Variants in TMEM132B observed in about 807,000 individuals in gnomAD.
TMEM132B encodes the protein transmembrane protein 132B.
In TMEM132B, 18 loss-of-function variants were observed where a neutral mutation model predicts 90.8. The observed-to-expected ratio is 0.20, with a 90% CI of 0.14 to 0.29. The LOEUF (loss-of-function observed/expected upper bound fraction) is 0.29. Ranked by LOEUF, TMEM132B falls within the 10% of genes least tolerant of loss-of-function variation. The pLI is 1.00. For synonymous variants in TMEM132B, 504 were observed against 523.3 expected (o/e 0.96, Z 0.50); for missense variants, 1,096 against 1,326.8 (o/e 0.83, Z 2.70).
At chr12:125,188,047 C>G (rs1957770109) in intron 1 of TMEM132B, among the ~76,000 whole-genome samples, 1 of 152,152 alleles carries the variant, frequency 6.6e-6, no homozygotes, top group African/African-American at 2.4e-5. Context: ...TAGGAGCAAA[C>G]CTGGCATGTC....
chr12:125,256,788 G>C (rs1330930224), intron 1 of TMEM132B, among the ~76,000 whole-genome samples: 3 of 152,194 alleles, frequency 2.0e-5, no homozygotes, highest in Non-Finnish European at 4.4e-5. Flanking sequence ...CAACTAAATT[G>C]TGCAGTCAGT....
At chr12:125,405,097 G>C (rs1208127035) in intron 2 of TMEM132B, among the ~76,000 whole-genome samples, 1 of 152,152 alleles carries the variant, frequency 6.6e-6, no homozygotes, top group Non-Finnish European at 1.5e-5. Flanking sequence ...CACAGCAAAT[G>C]GCCACAAACG....
At chr12:125,220,614 A>G (rs550445289) in intron 1 of TMEM132B, among the ~76,000 whole-genome samples, 12 of 152,288 alleles carry the variant, frequency 7.9e-5, no homozygotes, top group African/African-American at 2.6e-4. Context: ...GGGTTTTCTC[A>G]CAGTGGGAGG....
At chr12:125,299,603 C>T (rs966476489) in intron 1 of TMEM132B, among the ~76,000 whole-genome samples, 1 of 152,208 alleles carries the variant, frequency 6.6e-6, no homozygotes, top group Non-Finnish European at 1.5e-5. Context: ...CCTTTGGTCT[C>T]CCCATCCCAG....
intron 4 of TMEM132B, among the ~76,000 whole-genome samples, chr12:125,556,262 T>A (rs1259410629): frequency 6.6e-6 from 1 of 152,240 alleles, no homozygotes; most frequent in Non-Finnish European, 1.5e-5. Flanking sequence ...GTTCTTTCGT[T>A]ATCCTGACCT....
intron 4 of TMEM132B, among the ~76,000 whole-genome samples, chr12:125,523,903 C>A (rs137950705): frequency 1.0e-3 from 154 of 152,338 alleles, no homozygotes; most frequent in Non-Finnish European, 1.7e-3. Flanking sequence ...GACCCCAGAG[C>A]AGAGCTTCCA....
intron 2 of TMEM132B, among the ~76,000 whole-genome samples, chr12:125,389,797 G>T (rs1490456953): frequency 6.6e-6 from 1 of 152,160 alleles, no homozygotes; most frequent in African/African-American, 2.4e-5. Flanking sequence ...CATAAGTAGG[G>T]CACCTTTGTA....
intron 1 of TMEM132B, among the ~76,000 whole-genome samples, chr12:125,311,433 C>G (rs1287080218): frequency 6.6e-6 from 1 of 152,194 alleles, no homozygotes; most frequent in African/African-American, 2.4e-5. Context: ...CCAGTTTGCT[C>G]AGGTTGAAAA....
chr12:125,211,497 C>G (rs1873316483), intron 1 of TMEM132B, among the ~76,000 whole-genome samples: 1 of 152,206 alleles, frequency 6.6e-6, no homozygotes. Context: ...AGCAGACCAG[C>G]TGTCTGCTGC....
At chr12:125,295,515 T>TGTGAGAGAGAGAGAGAGA (rs531489519) in intron 1 of TMEM132B, among the ~76,000 whole-genome samples, 35 of 142,424 alleles carry the variant, frequency 2.5e-4, no homozygotes, top group African/African-American at 9.4e-4. Context: ...TGTGTGTGTG[T>TGTGAGAGAGAGAGAGAGA]GAGAGAGAGA....
chr12:125,472,687 A>T (rs1211586988), intron 3 of TMEM132B, among the ~76,000 whole-genome samples: 3 of 152,154 alleles, frequency 2.0e-5, no homozygotes, highest in Non-Finnish European at 4.4e-5. Flanking sequence ...CCAGCGCCTT[A>T]TAAAAGAGGC....
At chr12:125,478,229 C>T (rs1373893515) in intron 3 of TMEM132B, among the ~76,000 whole-genome samples, 5 of 152,180 alleles carry the variant, frequency 3.3e-5, no homozygotes, top group Non-Finnish European at 7.3e-5. Flanking sequence ...ATCATAGCTT[C>T]TTGCCAGCAA....
rs139502055 is a variant in TMEM132B, at chr12:125,324,003, C to T, written c.68-25449C>T. 9.6e-4 allele frequency among the ~76,000 whole-genome samples: 146 copies of T among 152,134 alleles called. 2 individuals are homozygous for T. The East Asian group carries it at 0.024, about 25-fold the overall frequency. ...AAAAGTTGGAAACAAACCCCCCAAC[C>T]GTGAAATTTCCTTAGAAACACACAC... is the stretch of plus-strand genomic sequence containing the variant. On this transcript the variant is annotated intron_variant, in intron 1 of 8. Coordinates refer to ENST00000682704, the MANE Select transcript of TMEM132B (RefSeq NM_001366854.1).
intron 2 of TMEM132B, among the ~76,000 whole-genome samples, chr12:125,363,680 C>A (rs1401452535): frequency 4.6e-5 from 7 of 152,114 alleles, no homozygotes; most frequent in African/African-American, 1.4e-4. Context: ...TTTCAATGAT[C>A]TTCAGAGGTA....
intron 7 of TMEM132B, 110 bp downstream of exon 7, chr12:125,651,063 TCAA>T: frequency 7.1e-7 from 1 of 1,400,770 alleles, no homozygotes; most frequent in South Asian, 1.4e-5. Context: ...GACATGTATA[TCAA>T]CGTGTGTCAC....
intron 4 of TMEM132B, among the ~76,000 whole-genome samples, chr12:125,573,309 C>T (rs1884850055): frequency 6.6e-6 from 1 of 152,116 alleles, no homozygotes; most frequent in South Asian, 2.1e-4. Context: ...ATGGTACTTC[C>T]CATCCCAGTT....
intron 1 of TMEM132B, among the ~76,000 whole-genome samples, chr12:125,268,397 G>C (rs1268002232): frequency 1.3e-5 from 2 of 152,228 alleles, no homozygotes; most frequent in East Asian, 1.9e-4. Flanking sequence ...GTAGCATAAG[G>C]CTAGAGGCAA....
At chr12:125,637,555 T>TGGGACAACTGGAAGCAAAGTGGG (rs1326351189) in intron 5 of TMEM132B, among the ~76,000 whole-genome samples, 1 of 152,070 alleles carries the variant, frequency 6.6e-6, no homozygotes, top group African/African-American at 2.4e-5. Flanking sequence ...TCCGGAAAGG[T>TGGGACAACTGGAAGCAAAGTGGG]GGGACAACTG....
chr12:125,638,141 G>A (rs1410329680), intron 5 of TMEM132B, among the ~76,000 whole-genome samples: 1 of 152,166 alleles, frequency 6.6e-6, no homozygotes, highest in African/African-American at 2.4e-5. Flanking sequence ...TGCTGAGGAG[G>A]CCTCTGGCAC....
Sources: gnomAD v4.1 joint callset for allele counts (sites outside exome capture counted in the v4.1 genomes callset) on GRCh38, gnomAD v4.1.1 for gene constraint, MANE v1.5 for transcripts, NCBI Gene and HGNC (gene_info 2026-07-23, HGNC 2026-07-21) for gene names.